The following AGBL1 variants were observed in gnomAD, a reference collection of about 807,000 sequenced individuals.
AGBL1 encodes the protein AGBL carboxypeptidase 1.
Under a neutral mutation model 118.9 loss-of-function variants are expected in AGBL1, and 130 were observed. The observed-to-expected ratio is 1.09, with a 90% CI of 0.95 to 1.26. The LOEUF is 1.26. Ranked by LOEUF, AGBL1 falls within the 50% of genes most tolerant of loss-of-function variation. The pLI, the probability that AGBL1 is intolerant of heterozygous loss-of-function variation, is 0.00. For synonymous variants in AGBL1, 555 were observed against 478.9 expected (o/e 1.16, Z -2.08); for missense variants, 1,584 against 1,298.1 (o/e 1.22, Z -3.38).
intron 5 of AGBL1, among the ~76,000 whole-genome samples, chr15:86,187,677 A>C (rs2077654431): frequency 6.6e-6 from 1 of 152,196 alleles, no homozygotes; most frequent in Non-Finnish European, 1.5e-5. Context: ...AATGAATACT[A>C]TCCTTCATCC....
chr15:86,267,073 G>T lies in AGBL1; in HGVS notation c.1835G>T (p.Arg612Leu), dbSNP rs371664737. Reference sequence around the variant, plus strand: ...AATCTTCGCAAAGCCATCCAAGTGCGTGAGTAAGTAAGGAAAACCACAGTG... The same window carrying T: ...AATCTTCGCAAAGCCATCCAAGTGCTTGAGTAAGTAAGGAAAACCACAGTG... ...SGNLRKAIQV[R>L]EFEYDLLVNA... Residue 612 changes from arginine to leucine, a missense_variant, in exon 13 of 23, where the codon CGT becomes CTT. By Grantham distance (102) the Arg-to-Leu change is moderately radical. Transcript: ENST00000614907. 6.4e-7 allele frequency: 1 copy of T among 1,559,570 alleles called. No individual in the cohort carries two copies. Among genetic ancestry groups the T allele is most frequent in the Non-Finnish European group, 8.7e-7 (1 of 1,150,788 alleles).
At position 86,167,227 on chromosome 15, in the gene AGBL1, C is replaced by G. The variant is rs773628871; in HGVS notation, c.488+8201C>G. On this transcript the variant is annotated intron_variant, in intron 5 of 22. Transcript: ENST00000614907. ...GGTTTCACCTTTTACTTTGAGGGAACTGATATTTCTTTTTTACTTTTCTTT... is the reference window on the plus strand; with the variant it reads ...GGTTTCACCTTTTACTTTGAGGGAAGTGATATTTCTTTTTTACTTTTCTTT... Among the ~76,000 whole-genome samples the G allele has an allele frequency of 3.0e-4, 45 of 151,080 alleles. 1 individual carries two copies. The highest frequency in any genetic ancestry group is 3.2e-3 in the Middle Eastern group (1 of 316).
chr15:86,970,840 A>T (rs1346169790), intron 23 of AGBL1, among the ~76,000 whole-genome samples: 1 of 152,002 alleles, frequency 6.6e-6, no homozygotes, highest in Non-Finnish European at 1.5e-5. Context: ...CCATCTACAG[A>T]TTCAACGAAC....
chr15:86,214,884 C>T (rs961711912), intron 5 of AGBL1, among the ~76,000 whole-genome samples: 1 of 152,162 alleles, frequency 6.6e-6, no homozygotes, highest in African/African-American at 2.4e-5. Context: ...CGTAACCAAA[C>T]CAGTCTGAGA....
intron 18 of AGBL1, among the ~76,000 whole-genome samples, chr15:86,516,049 A>G (rs2083117112): frequency 6.6e-6 from 1 of 152,224 alleles, no homozygotes; most frequent in Admixed American, 6.5e-5. Context: ...AAACAGTTGC[A>G]TTCTTTTGAG....
At chr15:87,004,530 C>A (rs539743988) in intron 24 of AGBL1, among the ~76,000 whole-genome samples, 1 of 151,548 alleles carries the variant, frequency 6.6e-6, no homozygotes, top group East Asian at 1.9e-4. Flanking sequence ...TTTTTGTTTT[C>A]CATTTGCTTG....
Position 86,264,649 on chromosome 15 carries a change from A to G in AGBL1, c.1478A>G (p.Lys493Arg), listed in dbSNP as rs2079044755. 1 of 1,613,970 alleles carries G rather than the reference A, an allele frequency of 6.2e-7. No homozygotes were observed. Among genetic ancestry groups the G allele is most frequent in the Non-Finnish European group, 8.5e-7 (1 of 1,179,882 alleles). The change falls in exon 11 of 23, where the codon AAA becomes AGA. Residue 493 changes from lysine to arginine, a missense_variant. Lys to Arg is a conservative substitution (Grantham distance 26). Transcript: ENST00000614907. The part of the protein sequence containing the change: ...SNSTRTREVV[K>R]VIDKLLQTHL... Reference sequence around the variant, plus strand: ...TCCACTAGGACTAGAGAAGTTGTCAAAGTAATAGATAAGCTTCTGCAGACA... The same window carrying G: ...TCCACTAGGACTAGAGAAGTTGTCAGAGTAATAGATAAGCTTCTGCAGACA...
intron 18 of AGBL1, among the ~76,000 whole-genome samples, chr15:86,453,716 G>A (rs2082226202): frequency 6.6e-6 from 1 of 152,122 alleles, no homozygotes; most frequent in Non-Finnish European, 1.5e-5. Context: ...ATTCTTAGAG[G>A]TGGGCTAATG....
At chr15:86,234,544 C>CT (rs61076644) in intron 6 of AGBL1, among the ~76,000 whole-genome samples, 4,891 of 119,764 alleles carry the variant, frequency 0.041, 289 homozygotes, top group African/African-American at 0.15. Context: ...GAGTGAGACT[C>CT]TATCTCAAAA....
intron 18 of AGBL1, among the ~76,000 whole-genome samples, chr15:86,485,020 A>C (rs541291836): frequency 1.3e-3 from 204 of 152,244 alleles, no homozygotes; most frequent in African/African-American, 4.8e-3. Flanking sequence ...AACCTTAGTC[A>C]TCTTTGAGAA....
rs999765806 is a variant in AGBL1, at chr15:86,908,904, C to T, written c.*1610C>T. 6.6e-6 allele frequency: 1 copy of T among 152,174 alleles called. No homozygotes were observed. Among genetic ancestry groups the T allele is most frequent in the African/African-American group, 2.4e-5 (1 of 41,434 alleles). The allele number at this position is 152,174 out of a possible 1,614,324, so 9.4% of individuals were successfully genotyped here. On this transcript the variant is annotated 3_prime_UTR_variant, in exon 23 of 23. Transcript: ENST00000614907. Reference sequence around the variant, plus strand: ...TTTCATAAGGCATAAGTCTATTTCTCTTTCCTGTGGAATTTTACACACTGG... The same window carrying T: ...TTTCATAAGGCATAAGTCTATTTCTTTTTCCTGTGGAATTTTACACACTGG...
intron 19 of AGBL1, 110 bp from the exon 20 acceptor site, chr15:86,545,892 C>T (rs562547180): frequency 1.1e-5 from 15 of 1,330,354 alleles, no homozygotes; most frequent in South Asian, 7.2e-5. Context: ...AGAAAGTTGA[C>T]ATTGTAAACT....
At chr15:86,631,296 G>A (rs1056336557) in intron 21 of AGBL1, among the ~76,000 whole-genome samples, 2 of 149,780 alleles carry the variant, frequency 1.3e-5, no homozygotes, top group Non-Finnish European at 3.0e-5. Flanking sequence ...AGGGGGAGAC[G>A]TAGGTTTGGG....
chr15:86,876,745 G>A (rs2141519856), intron 22 of AGBL1, among the ~76,000 whole-genome samples: 1 of 152,124 alleles, frequency 6.6e-6, no homozygotes, highest in East Asian at 1.9e-4. Context: ...TCCAAAACAA[G>A]AAAATATATA....
chr15:86,645,880 G>A (rs1035078247), intron 21 of AGBL1, among the ~76,000 whole-genome samples: 1 of 152,134 alleles, frequency 6.6e-6, no homozygotes, highest in Non-Finnish European at 1.5e-5. Flanking sequence ...TGGAACATTA[G>A]GACAACAAAG....
At chr15:86,834,594 G>C (rs1002671729) in intron 22 of AGBL1, among the ~76,000 whole-genome samples, 4 of 152,012 alleles carry the variant, frequency 2.6e-5, no homozygotes, top group African/African-American at 4.8e-5. Context: ...AGTGCTGCTA[G>C]GGGAACACTG....
intron 22 of AGBL1, among the ~76,000 whole-genome samples, chr15:86,675,513 TTAAG>T (rs2142553252): frequency 2.0e-5 from 3 of 152,248 alleles, no homozygotes; most frequent in African/African-American, 7.2e-5. Flanking sequence ...CTATAGAAAC[TTAAG>T]TAAGTGCAGG....
rs752739323 is a variant in AGBL1 at position 86,256,920 on chromosome 15, A to T, written c.803A>T (p.Tyr268Phe). Residue 268 changes from tyrosine to phenylalanine, a missense_variant, in exon 8 of 23, where the codon TAC (tyrosine) becomes TTC (phenylalanine). Tyr to Phe is a conservative substitution (Grantham distance 22). Transcript: ENST00000614907. ...SVVLQILRQC[Y>F]PTSPLPLVTA... ...GTGCTTCAGATCCTGAGGCAGTGCTACCCTACGAGTCCACTTCCCTTGGTC... is the reference window on the plus strand; with the variant it reads ...GTGCTTCAGATCCTGAGGCAGTGCTTCCCTACGAGTCCACTTCCCTTGGTC... The T allele has an allele frequency of 1.2e-6, 2 of 1,613,808 alleles. No homozygotes were observed. Among genetic ancestry groups the T allele is most frequent in the Non-Finnish European group, 1.7e-6 (2 of 1,179,778 alleles).
intron 22 of AGBL1, among the ~76,000 whole-genome samples, chr15:86,851,092 T>G (rs2141458433): frequency 6.6e-6 from 1 of 152,314 alleles, no homozygotes; most frequent in African/African-American, 2.4e-5. Flanking sequence ...GGGTGAGTGA[T>G]GTCACCAATC....
Sources: gnomAD v4.1 joint callset for allele counts (sites outside exome capture counted in the v4.1 genomes callset) on GRCh38, gnomAD v4.1.1 for gene constraint, MANE v1.5 for transcripts, NCBI Gene and HGNC (gene_info 2026-07-23, HGNC 2026-07-21) for gene names.